Variants in NUP210 observed in about 807,000 individuals in gnomAD.
The protein encoded by NUP210 is nucleoporin 210, also known as nuclear pore membrane glycoprotein 210.
Under a neutral mutation model 196.0 loss-of-function variants are expected in NUP210, and 151 were observed. That is an observed-to-expected ratio of 0.77 (90% CI 0.67 to 0.88). The LOEUF (loss-of-function observed/expected upper bound fraction) is 0.88, where lower values mean the gene tolerates loss of function less well. NUP210 is among the 40% of genes least tolerant of loss of function. The probability of loss-of-function intolerance (pLI) is 0.00; values close to 1 mark genes in which losing one functional copy is unlikely to be tolerated. For missense variants in NUP210, 2,314 were observed against 2,493.7 expected (o/e 0.93, Z 1.53); for synonymous variants, 1,070 against 1,052.7 (o/e 1.02, Z -0.32).
rs1696565011 is a variant in NUP210, at chr3:13,322,181, C to A, written c.4915+12G>T. ...CTCCAAGTCCCTTTCACTTTCAAATCCTCGCAATTACCGAGAGCAGTGTCA... is the reference window on the plus strand; with the variant it reads ...CTCCAAGTCCCTTTCACTTTCAAATACTCGCAATTACCGAGAGCAGTGTCA... On this transcript the variant is annotated intron_variant, in intron 35 of 39. Transcript: ENST00000254508. The A allele has an allele frequency of 1.2e-6, 2 of 1,613,884 alleles. 1 individual carries two copies. Among genetic ancestry groups the A allele is most frequent in the South Asian group, 2.2e-5 (2 of 91,070 alleles).
chr3:13,349,827 T>C (rs533740868), intron 20 of NUP210, among the ~76,000 whole-genome samples: 1 of 152,058 alleles, frequency 6.6e-6, no homozygotes, highest in South Asian at 2.1e-4. Flanking sequence ...GCCTGGGAGG[T>C]GTGGGCTACA....
chr3:13,394,217 C>T (rs896616237), intron 3 of NUP210, among the ~76,000 whole-genome samples: 8 of 152,154 alleles, frequency 5.3e-5, no homozygotes, highest in Non-Finnish European at 1.0e-4. Context: ...GAAGGTGCTC[C>T]AGGCAGAAGA....
chr3:13,390,500 G>A (rs1699452513), intron 4 of NUP210, among the ~76,000 whole-genome samples: 1 of 152,254 alleles, frequency 6.6e-6, no homozygotes, highest in Non-Finnish European at 1.5e-5. Context: ...GCAGTGCAGT[G>A]AGCCATTGAC....
rs111467141 is a variant in NUP210, at chr3:13,366,082, G to A, written c.1796C>T (p.Pro599Leu). The change falls in exon 14 of 40, where the codon CCG becomes CTG. Residue 599 changes from proline (P) to leucine (L), a missense_variant. Physicochemically the swap from Pro to Leu is moderately conservative, Grantham distance 98. Transcript: ENST00000254508. ...GVFQPLPGRLPPGSEHCSGIR... is the reference protein window; with the variant it reads ...GVFQPLPGRLLPGSEHCSGIR... ...GCCGCTGCAGTGCTCAGAGCCTGGC[G>A]GCAGCCTCCCTACAGAAAGGAGAGA... The A allele has an allele frequency of 5.7e-5, 92 of 1,613,476 alleles. No individual in the cohort carries two copies. The highest frequency in any genetic ancestry group is 5.0e-4 in the Middle Eastern group (3 of 6,054).
chr3:13,353,741 G>A (rs1396714493), intron 17 of NUP210, 81 bp from the exon 18 acceptor site: 1 of 1,355,316 alleles, frequency 7.4e-7, no homozygotes, highest in Non-Finnish European at 1.1e-6. Flanking sequence ...CTTCTGATTT[G>A]CAGTTTCGAA....
Position 13,359,041 on chromosome 3 carries a change from AT to A in NUP210, c.2155-647del, listed in dbSNP as rs200523438. On this transcript the variant is annotated intron_variant, in intron 15 of 39. Transcript: ENST00000254508. The stretch of plus-strand genomic sequence containing the variant: ...TTTGGAGCACCATGGCTCAGGGCCC[AT>A]CTTGAGGTAGCACCCTCAGCCTCCT... Among the ~76,000 whole-genome samples, 365 of 152,316 alleles carry A rather than the reference AT, an allele frequency of 2.4e-3. 8 individuals carry two copies. In the East Asian group the frequency reaches 0.054, roughly 22 times the overall value.
At chr3:13,407,659 A>G (rs1002311623) in intron 1 of NUP210, among the ~76,000 whole-genome samples, 1 of 152,088 alleles carries the variant, frequency 6.6e-6, no homozygotes, top group African/African-American at 2.4e-5. Context: ...ACCCACAGGT[A>G]TGCTGTCCAA....
At chr3:13,355,882 G>A (rs926797469) in intron 16 of NUP210, among the ~76,000 whole-genome samples, 1 of 152,240 alleles carries the variant, frequency 6.6e-6, no homozygotes, top group Non-Finnish European at 1.5e-5. Context: ...AAGCACATGT[G>A]CAAGCTAACT....
chr3:13,337,792 T>G, intron 26 of NUP210, 45 bp downstream of exon 26: 4 of 1,546,094 alleles, frequency 2.6e-6, no homozygotes, highest in Non-Finnish European at 3.5e-6. Context: ...GTCCCAGCAG[T>G]GGCTCTTCGG....
In NUP210 at chr3:13,325,949, G is replaced by A. The variant is rs1424145143; in HGVS notation, c.4508-18C>T. On this transcript the variant is annotated intron_variant, in intron 32 of 39. Coordinates refer to ENST00000254508, the MANE Select transcript of NUP210 (RefSeq NM_024923.4). ...TGAGAGGCCTGGAGAGGAAGCACAG[G>A]TGTCAGCCCCCTTTCCATAGCTGGA... The A allele has an allele frequency of 1.9e-6, 3 of 1,613,032 alleles. No homozygotes were observed. The highest frequency in any genetic ancestry group is 2.5e-6 in the Non-Finnish European group (3 of 1,179,716).
At chr3:13,354,148 A>T in intron 16 of NUP210, 41 bp from the exon 17 acceptor site, 1 of 1,517,418 alleles carries the variant, frequency 6.6e-7, no homozygotes, top group Non-Finnish European at 8.9e-7. Context: ...CACCCCCAGG[A>T]CTGGACCTGG....
Position 13,335,442 on chromosome 3 carries a change from C to G in NUP210, c.3843+12G>C. 1.1e-5 allele frequency: 18 copies of G among 1,609,542 alleles called. No individual in the cohort carries two copies. The highest frequency in any genetic ancestry group is 1.4e-5 in the Non-Finnish European group (17 of 1,176,364). On this transcript the variant is annotated intron_variant, in intron 28 of 39. Transcript: ENST00000254508. ...CTCCCCCTTCCCTGTGGCCTTTCCACCTGCCTCCTACCTGGACTTGGATCT... is the reference window on the plus strand; with the variant it reads ...CTCCCCCTTCCCTGTGGCCTTTCCAGCTGCCTCCTACCTGGACTTGGATCT...
Position 13,340,168 on chromosome 3 carries a change from C to T in NUP210, c.3291+68G>A, listed in dbSNP as rs1697407754. The T allele has an allele frequency of 6.2e-6, 10 of 1,607,536 alleles. No homozygotes were observed. The highest frequency in any genetic ancestry group is 2.2e-5 in the East Asian group (1 of 44,804). On this transcript the variant is annotated intron_variant, in intron 24 of 39. Coordinates refer to ENST00000254508, the MANE Select transcript of NUP210 (RefSeq NM_024923.4). This position sits in a 1 kb window ranked among gnomAD's most constrained non-coding sequence, Gnocchi z 4.0. The stretch of plus-strand genomic sequence containing the variant: ...CAGTCACTGCACGCAGGGCCAGAGG[C>T]GGCGTGCCTGGAACCAGGTGGTGGC...
chr3:13,383,516 C>CTTTTTTTTTTTT (rs3032854), intron 6 of NUP210, among the ~76,000 whole-genome samples: 4 of 70,940 alleles, frequency 5.6e-5, no homozygotes, highest in Non-Finnish European at 1.0e-4. Context: ...AGAGTGAGCT[C>CTTTTTTTTTTTT]TTTTTTTTTT....
At chr3:13,367,078 A>T (rs1467310579) in intron 13 of NUP210, among the ~76,000 whole-genome samples, 2 of 151,936 alleles carry the variant, frequency 1.3e-5, no homozygotes, top group Non-Finnish European at 2.9e-5. Context: ...GTGAGCCGAA[A>T]TCGCACCATT....
At chr3:13,351,816 A>C in intron 20 of NUP210, 63 bp downstream of exon 20, 5 of 1,065,906 alleles carry the variant, frequency 4.7e-6, no homozygotes, top group Non-Finnish European at 7.2e-6. Flanking sequence ...TCAATCAATT[A>C]ACCACACAAC....
At position 13,353,598 on chromosome 3, in the gene NUP210, C is replaced by A; in HGVS notation, c.2584G>T (p.Gly862Cys). Residue 862 changes from glycine (G) to cysteine (C), a missense_variant, in exon 18 of 40, where the codon GGC becomes TGC. By Grantham distance (159) the Gly-to-Cys change is radical (BLOSUM62 -3). Transcript: ENST00000254508. ...GAGCTGAGGTGGGACTCCTGGTAGC[C>A]AGTGGCAGTGGCAGTGATGGCTGTG... ...GTTAITATAT[G>C]YQESHLSSAR... The A allele has an allele frequency of 6.2e-7, 1 of 1,614,096 alleles. No individual in the cohort carries two copies. Among genetic ancestry groups the A allele is most frequent in the Non-Finnish European group, 8.5e-7 (1 of 1,179,994 alleles).
At position 13,327,405 on chromosome 3, in the gene NUP210, G is replaced by T. The variant is rs750505629; in HGVS notation, c.4319C>A (p.Thr1440Asn). The T allele has an allele frequency of 5.6e-6, 9 of 1,612,940 alleles. No individual in the cohort carries two copies. Among genetic ancestry groups the T allele is most frequent in the Non-Finnish European group, 7.6e-6 (9 of 1,179,768 alleles). The stretch of plus-strand genomic sequence containing the variant: ...TGTGCGGACAACGCAGGTGTTGTTG[G>T]TGGGGCCCTTCCCGATCTGCACAAA... ...DDFVQIGKGP[T>N]NNTCVVRTVS... Residue 1440 changes from threonine to asparagine, a missense_variant, in exon 32 of 40, where the codon ACC (threonine) becomes AAC (asparagine). Physicochemically the swap from Thr to Asn is moderately conservative, Grantham distance 65. Transcript: ENST00000254508.
chr3:13,371,222 T>A (rs1698719147), intron 13 of NUP210, among the ~76,000 whole-genome samples: 1 of 152,210 alleles, frequency 6.6e-6, no homozygotes, highest in Non-Finnish European at 1.5e-5. Flanking sequence ...CTGCACCCCA[T>A]CCCTGTCCCA....
Sources: allele counts gnomAD v4.1 joint callset (sites outside exome capture counted in the v4.1 genomes callset), GRCh38; gene constraint gnomAD v4.1.1; non-coding constraint Gnocchi (gnomAD v3.1); transcripts MANE v1.5; gene names NCBI Gene and HGNC (gene_info 2026-07-23, HGNC 2026-07-21).